Variants in CACNB2 observed in about 807,000 individuals in gnomAD.
The protein encoded by CACNB2 is voltage-dependent L-type calcium channel subunit beta-2.
Under a neutral mutation model 73.3 loss-of-function variants are expected in CACNB2, and 42 were observed. The ratio of observed to expected loss-of-function variants is 0.57; its 90% confidence interval spans 0.45 to 0.74. The LOEUF is 0.74. Ranked by LOEUF, CACNB2 falls within the 30% of genes least tolerant of loss-of-function variation. The probability of loss-of-function intolerance (pLI) is 0.00; values close to 1 mark genes in which losing one functional copy is unlikely to be tolerated. For synonymous variants in CACNB2, 348 were observed against 310.3 expected, an observed-to-expected ratio of 1.12 and a Z score of -1.28; for missense variants, 940 against 853.0, an observed-to-expected ratio of 1.10 and a Z score of -1.27.
At chr10:18,467,664 G>T (rs1373661361) in intron 3 of CACNB2, among the ~76,000 whole-genome samples, 4 of 152,166 alleles carry the variant, frequency 2.6e-5, no homozygotes, top group Non-Finnish European at 4.4e-5. Context: ...ATTGACAGTG[G>T]CAGTCAGGAA....
intron 2 of CACNB2, among the ~76,000 whole-genome samples, chr10:18,391,362 T>G (rs971011536): frequency 2.0e-5 from 3 of 152,226 alleles, no homozygotes; most frequent in Non-Finnish European, 4.4e-5. Context: ...TGTTTAGGAA[T>G]GCGAAAATGG....
chr10:18,470,282 T>G (rs2048112618), intron 3 of CACNB2, among the ~76,000 whole-genome samples: 1 of 150,186 alleles, frequency 6.7e-6, no homozygotes, highest in Non-Finnish European at 1.5e-5. Context: ...AGGTCTGGAG[T>G]TTGAGGTTGG....
At chr10:18,370,797 T>C (rs1413598000) in intron 2 of CACNB2, among the ~76,000 whole-genome samples, 6 of 152,222 alleles carry the variant, frequency 3.9e-5, no homozygotes, top group Admixed American at 3.9e-4. Flanking sequence ...TTTCTCCCAT[T>C]GTTGGGCATT....
At chr10:18,485,558 CT>C (rs34707498) in intron 3 of CACNB2, among the ~76,000 whole-genome samples, 6,750 of 129,240 alleles carry the variant, frequency 0.052, 472 homozygotes, top group African/African-American at 0.18. Flanking sequence ...CTCTCTCTCT[CT>C]TTTTTTTTTT....
intron 3 of CACNB2, among the ~76,000 whole-genome samples, chr10:18,409,607 C>A (rs1209772627): frequency 1.3e-5 from 2 of 152,194 alleles, no homozygotes; most frequent in Non-Finnish European, 1.5e-5. Context: ...ATCATCTATT[C>A]ATAATTAAGA....
chr10:18,194,812 A>G (rs1471902331), intron 2 of CACNB2, among the ~76,000 whole-genome samples: 1 of 152,164 alleles, frequency 6.6e-6, no homozygotes, highest in Admixed American at 6.5e-5. Context: ...ACATTCCTAC[A>G]ATTATGTTTT....
chr10:18,341,379 G>A (rs1356007034), intron 2 of CACNB2, among the ~76,000 whole-genome samples: 1 of 152,130 alleles, frequency 6.6e-6, no homozygotes, highest in Non-Finnish European at 1.5e-5. Context: ...GACTTGCTGT[G>A]TTGCTGCAAA....
intron 3 of CACNB2, among the ~76,000 whole-genome samples, chr10:18,423,563 T>A (rs2045440935): frequency 6.6e-6 from 1 of 152,212 alleles, no homozygotes; most frequent in South Asian, 2.1e-4. Context: ...CACTGGGGTA[T>A]CTTTCAAGTA....
At chr10:18,253,103 A>C (rs1326436751) in intron 2 of CACNB2, among the ~76,000 whole-genome samples, 1 of 152,206 alleles carries the variant, frequency 6.6e-6, no homozygotes, top group Non-Finnish European at 1.5e-5. Context: ...ATCACTTCGT[A>C]TATGAAATGG....
At chr10:18,315,526 A>AAAAAAAAC (rs1554791257) in intron 2 of CACNB2, among the ~76,000 whole-genome samples, 2 of 121,824 alleles carry the variant, frequency 1.6e-5, no homozygotes, top group Non-Finnish European at 3.6e-5. Flanking sequence ...AAAAAAAAAA[A>AAAAAAAAC]AACTTTTTTT....
intron 6 of CACNB2, among the ~76,000 whole-genome samples, chr10:18,508,537 T>C (rs1358327938): frequency 6.6e-6 from 1 of 152,194 alleles, no homozygotes; most frequent in Non-Finnish European, 1.5e-5. Context: ...CACCTTGCGA[T>C]AAAGCAGCAG....
intron 2 of CACNB2, among the ~76,000 whole-genome samples, chr10:18,358,892 G>C (rs2042038445): frequency 1.3e-5 from 2 of 152,212 alleles, no homozygotes; most frequent in South Asian, 4.1e-4. Context: ...CAGGGGTTTT[G>C]TTGTTGCTGC....
intron 2 of CACNB2, among the ~76,000 whole-genome samples, chr10:18,356,787 G>T (rs1213434166): frequency 6.6e-6 from 1 of 151,726 alleles, no homozygotes; most frequent in African/African-American, 2.4e-5. Context: ...ATGCCACCAT[G>T]CCTGGCTAAT....
At chr10:18,186,978 G>A (rs568382716) in intron 2 of CACNB2, among the ~76,000 whole-genome samples, 1 of 152,304 alleles carries the variant, frequency 6.6e-6, no homozygotes, top group South Asian at 2.1e-4. Context: ...GCCTTGAGCA[G>A]GAACAGGATG....
chr10:18,244,764 A>G (rs185469684), intron 2 of CACNB2, among the ~76,000 whole-genome samples: 1 of 152,324 alleles, frequency 6.6e-6, no homozygotes, highest in East Asian at 1.9e-4. Flanking sequence ...TATGGAACCT[A>G]TGAATATGTT....
At chr10:18,467,438 A>C (rs1012307889) in intron 3 of CACNB2, among the ~76,000 whole-genome samples, 1 of 152,174 alleles carries the variant, frequency 6.6e-6, no homozygotes, top group East Asian at 1.9e-4. Context: ...GCAACTGGGA[A>C]AACAATAGGA....
intron 2 of CACNB2, among the ~76,000 whole-genome samples, chr10:18,266,495 T>C (rs1211215270): frequency 6.6e-6 from 1 of 151,674 alleles, no homozygotes; most frequent in Non-Finnish European, 1.5e-5. Flanking sequence ...GATTTCTGGT[T>C]AGTAGAATGT....
At position 18,539,720 on chromosome 10, in the gene CACNB2, A is replaced by G. The variant is rs2053959209; in HGVS notation, c.1979A>G (p.Gln660Arg). The G allele has an allele frequency of 6.2e-7, 1 of 1,602,550 alleles. No individual in the cohort carries two copies. The highest frequency in any genetic ancestry group is 1.1e-5 in the South Asian group (1 of 89,168). Residue 660 changes from glutamine (Q) to arginine (R), a missense_variant, in exon 14 of 14, where the codon CAA becomes CGA. Transcript: ENST00000324631. ...GEWNRDVYIRQ is the reference protein window; with the variant it reads ...GEWNRDVYIRR Reference sequence around the variant, plus strand: ...TGGAACAGGGATGTTTACATCCGCCAATGAGTTTTGCCCGTTTGTGTTTTT... The same window carrying G: ...TGGAACAGGGATGTTTACATCCGCCGATGAGTTTTGCCCGTTTGTGTTTTT...
chr10:18,266,888 CTAAA>C (rs1378877864), intron 2 of CACNB2, among the ~76,000 whole-genome samples: 1 of 151,932 alleles, frequency 6.6e-6, no homozygotes. Flanking sequence ...GACTCTATCT[CTAAA>C]TAAATAAATA....
Sources: allele counts gnomAD v4.1 joint callset (sites outside exome capture counted in the v4.1 genomes callset), GRCh38; gene constraint gnomAD v4.1.1; transcripts MANE v1.5; gene names NCBI Gene and HGNC (gene_info 2026-07-23, HGNC 2026-07-21).